ZPBP: variants seen among roughly 807,000 people sequenced by gnomAD.
ZPBP encodes the protein zona pellucida binding protein.
Under a neutral mutation model 44.8 loss-of-function variants are expected in ZPBP, and 26 were observed. That is an observed-to-expected ratio of 0.58 (90% CI 0.43 to 0.81). The LOEUF is 0.81. Among genes scored for constraint, ZPBP ranks in the 30% least tolerant of loss-of-function variants. The pLI is 0.00. For synonymous variants in ZPBP, 174 were observed against 153.2 expected, an observed-to-expected ratio of 1.14 and a Z score of -1.00; for missense variants, 409 against 434.0, an observed-to-expected ratio of 0.94 and a Z score of 0.51.
chr7:49,855,712 G>A (rs1482146497), intron 2 of ZPBP, among the ~76,000 whole-genome samples: 1 of 152,134 alleles, frequency 6.6e-6, no homozygotes, highest in Non-Finnish European at 1.5e-5. Context: ...AGGCAAAAAC[G>A]AGTCCCCTGA....
chr7:49,885,795 C>G (rs1347055074), intron 2 of ZPBP, among the ~76,000 whole-genome samples: 1 of 152,218 alleles, frequency 6.6e-6, no homozygotes, highest in Non-Finnish European at 1.5e-5. Flanking sequence ...GCCTGGACCA[C>G]TAGCACCGGG....
At chr7:49,974,118 A>C (rs1796406616) in intron 7 of ZPBP, among the ~76,000 whole-genome samples, 1 of 152,178 alleles carries the variant, frequency 6.6e-6, no homozygotes, top group Non-Finnish European at 1.5e-5. Flanking sequence ...AAATAGAATG[A>C]AGAATACTGG....
intron 4 of ZPBP, among the ~76,000 whole-genome samples, chr7:50,047,151 G>T (rs1241462857): frequency 1.3e-5 from 2 of 152,032 alleles, no homozygotes; most frequent in Non-Finnish European, 2.9e-5. Context: ...GTTGGGTGGT[G>T]GGGGAGCTAG....
intron 3 of ZPBP, among the ~76,000 whole-genome samples, chr7:50,060,864 G>T (rs1489868128): frequency 1.3e-5 from 2 of 152,080 alleles, no homozygotes; most frequent in Non-Finnish European, 2.9e-5. Flanking sequence ...AATGAAAAAA[G>T]AAATTTTAGG....
chr7:49,985,641 CA>C (rs199820024), intron 6 of ZPBP, among the ~76,000 whole-genome samples: 26,189 of 120,428 alleles, frequency 0.22, 2,258 homozygotes, highest in South Asian at 0.38. Context: ...ATACCCCATG[CA>C]AAAAAAAAAA....
chr7:49,875,195 C>T (rs924394187), intron 2 of ZPBP, among the ~76,000 whole-genome samples: 2 of 150,550 alleles, frequency 1.3e-5, no homozygotes, highest in African/African-American at 2.4e-5. Flanking sequence ...TATGGTGAAA[C>T]CTCGTCTCTA....
intron 6 of ZPBP, among the ~76,000 whole-genome samples, chr7:50,002,412 G>A (rs1485042610): frequency 6.6e-6 from 1 of 152,064 alleles, no homozygotes. Context: ...ATATCAGACA[G>A]GGTATCATTA....
rs957260762 is a variant in ZPBP, at chr7:49,981,569, A to G, written c.961+1773T>C. ...TAATTATATAAATTATATATTATAT[A>G]ATTATATAAATTATATATTATATAA... On this transcript the variant is annotated intron_variant, in intron 7 of 7. Coordinates refer to ENST00000046087, the MANE Select transcript of ZPBP (RefSeq NM_007009.3). Among the ~76,000 whole-genome samples the G allele has an allele frequency of 4.5e-3, 165 of 36,936 alleles. 2 individuals are homozygous for G. Among genetic ancestry groups the G allele is most frequent in the Non-Finnish European group, 8.2e-3 (131 of 15,948 alleles). The allele number at this position is 36,936 out of a possible 152,430, so 24.2% of individuals were successfully genotyped here. A position where few individuals can be genotyped will look rare whatever the true frequency, so the allele number is the denominator to read the frequency against.
At chr7:50,027,067 C>T (rs2128809784) in intron 5 of ZPBP, among the ~76,000 whole-genome samples, 1 of 152,054 alleles carries the variant, frequency 6.6e-6, no homozygotes, top group African/African-American at 2.4e-5. Context: ...TGAACATGTG[C>T]TCAACCCCCC....
intron 1 of ZPBP, chr7:49,914,073 G>A (rs1302794533): frequency 1.3e-5 from 2 of 152,174 alleles, no homozygotes; most frequent in Non-Finnish European, 2.9e-5. Flanking sequence ...GGTAGACATT[G>A]GCCATCCCTC....
intron 6 of ZPBP, among the ~76,000 whole-genome samples, chr7:49,991,377 T>C (rs1017934126): frequency 2.0e-5 from 3 of 152,202 alleles, no homozygotes; most frequent in Admixed American, 1.3e-4. Context: ...GGCGGAGATA[T>C]ATGAGATTGA....
chr7:50,021,544 C>T (rs73695147), intron 5 of ZPBP, among the ~76,000 whole-genome samples: 2,141 of 151,880 alleles, frequency 0.014, 63 homozygotes, highest in African/African-American at 0.049. Flanking sequence ...ATCAAGTGTA[C>T]CACCATATAC....
chr7:49,880,229 ATG>A (rs1290236684), intron 2 of ZPBP, among the ~76,000 whole-genome samples: 5 of 152,168 alleles, frequency 3.3e-5, no homozygotes, highest in Admixed American at 2.6e-4. Flanking sequence ...TTTCTCTTAT[ATG>A]TGTGGCTATA....
At chr7:49,854,753 G>A (rs521484) in intron 2 of ZPBP, among the ~76,000 whole-genome samples, 122,417 of 152,196 alleles carry the variant, frequency 0.8, 49,455 homozygotes, top group East Asian at 0.91. Flanking sequence ...TTTTGTTGCT[G>A]TTGCTTTTGG....
chr7:50,069,838 G>A (rs916877910), intron 3 of ZPBP, among the ~76,000 whole-genome samples: 13 of 152,048 alleles, frequency 8.5e-5, no homozygotes, highest in South Asian at 6.2e-4. Flanking sequence ...AGCCTGCTGC[G>A]GCTACGAAGC....
intron 2 of ZPBP, among the ~76,000 whole-genome samples, chr7:49,875,276 A>T (rs902062629): frequency 4.1e-5 from 6 of 146,336 alleles, no homozygotes; most frequent in African/African-American, 1.5e-4. Context: ...AGGCTGAGGC[A>T]GGAGAATCGC....
At chr7:50,018,915 C>T (rs1301902408) in intron 5 of ZPBP, among the ~76,000 whole-genome samples, 1 of 151,958 alleles carries the variant, frequency 6.6e-6, no homozygotes, top group Admixed American at 6.6e-5. Context: ...TGAACAAAAT[C>T]AACAAAATCC....
At chr7:50,015,947 C>G (rs1798800266) in intron 6 of ZPBP, among the ~76,000 whole-genome samples, 1 of 152,110 alleles carries the variant, frequency 6.6e-6, no homozygotes, top group African/African-American at 2.4e-5. Flanking sequence ...AAAGAGAACA[C>G]TTCTATACTG....
chr7:50,026,353 T>C (rs569992166), intron 5 of ZPBP, among the ~76,000 whole-genome samples: 6 of 152,020 alleles, frequency 3.9e-5, no homozygotes, highest in African/African-American at 7.2e-5. Flanking sequence ...AAGACATCAA[T>C]ACTGCACCTT....
Sources: allele counts gnomAD v4.1 joint callset (sites outside exome capture counted in the v4.1 genomes callset), GRCh38; gene constraint gnomAD v4.1.1; transcripts MANE v1.5; gene names NCBI Gene and HGNC (gene_info 2026-07-23, HGNC 2026-07-21).